The following METTL14 variants were observed in gnomAD, a reference collection of about 807,000 sequenced individuals.
METTL14 encodes the protein methyltransferase 14, N6-adenosine-methyltransferase non-catalytic subunit, also known as N(6)-adenosine-methyltransferase non-catalytic subunit METTL14.
In METTL14, 32 loss-of-function variants were observed where a neutral mutation model predicts 62.4. That is an observed-to-expected ratio of 0.51 (90% CI 0.39 to 0.69). METTL14 has a LOEUF of 0.69. Ranked by LOEUF, METTL14 falls within the 30% of genes least tolerant of loss-of-function variation. The pLI is 0.00. For synonymous variants in METTL14, 150 were observed against 180.0 expected, an observed-to-expected ratio of 0.83 and a Z score of 1.34; for missense variants, 340 against 551.9, an observed-to-expected ratio of 0.62 and a Z score of 3.85.
intron 8 of METTL14, among the ~76,000 whole-genome samples, chr4:118,701,639 C>G (rs1373283051): frequency 6.6e-6 from 1 of 152,318 alleles, no homozygotes; most frequent in East Asian, 1.9e-4. Flanking sequence ...AAGATACTCA[C>G]TCTTGAGGGT....
chr4:118,692,464 C>G (rs1481572848), intron 5 of METTL14, among the ~76,000 whole-genome samples: 1 of 151,866 alleles, frequency 6.6e-6, no homozygotes, highest in East Asian at 1.9e-4. Context: ...CCCGAGGTTT[C>G]ACCATGTTGG....
chr4:118,714,887 A>G lies in METTL14; in HGVS notation c.*4585A>G, dbSNP rs181100545. On this transcript the variant is annotated 3_prime_UTR_variant, in exon 11 of 11. Transcript: ENST00000388822. ...CAGGCGTGAGCCTCTGCAACTGGCC[A>G]ACATGCATATTTAAATTATGCATGC... The G allele has an allele frequency of 8.6e-4, 131 of 152,340 alleles. No individual in the cohort carries two copies. The highest frequency in any genetic ancestry group is 3.0e-3 in the African/African-American group (125 of 41,592). The allele number at this position is 152,340 out of a possible 1,614,324, so 9.4% of individuals were successfully genotyped here. A position where few individuals can be genotyped will look rare whatever the true frequency, so the allele number is the denominator to read the frequency against.
At chr4:118,686,011 T>A (rs1724044502) in intron 1 of METTL14, among the ~76,000 whole-genome samples, 2 of 152,238 alleles carry the variant, frequency 1.3e-5, no homozygotes, top group South Asian at 2.1e-4. Flanking sequence ...ACGTTTACAG[T>A]ATTTTCTTTG....
chr4:118,709,745 A>G (rs1308837938), intron 10 of METTL14, among the ~76,000 whole-genome samples: 7 of 152,176 alleles, frequency 4.6e-5, no homozygotes, highest in African/African-American at 9.7e-5. Context: ...TCTAAGTTCT[A>G]TTCTCACAAA....
At chr4:118,702,863 A>G (rs760888152) in intron 8 of METTL14, among the ~76,000 whole-genome samples, 98 of 147,898 alleles carry the variant, frequency 6.6e-4, no homozygotes, top group Non-Finnish European at 1.3e-3. Flanking sequence ...TTTATACTCT[A>G]TCTTTTTTTT....
intron 5 of METTL14, among the ~76,000 whole-genome samples, chr4:118,692,567 C>T (rs895786025): frequency 2.0e-5 from 3 of 152,044 alleles, no homozygotes; most frequent in South Asian, 2.1e-4. Flanking sequence ...CGCTCCAGGC[C>T]CTGTATACCT....
intron 1 of METTL14, among the ~76,000 whole-genome samples, chr4:118,687,257 A>G (rs59549008): frequency 0.013 from 1,951 of 152,300 alleles, 45 homozygotes; most frequent in African/African-American, 0.044. Context: ...AGCATGCCAA[A>G]TACCAAAACT....
intron 6 of METTL14, among the ~76,000 whole-genome samples, chr4:118,696,117 C>CAAAAAAAAAAA (rs70941201): frequency 0.039 from 1,307 of 33,910 alleles, 299 homozygotes; most frequent in Non-Finnish European, 0.051. Context: ...GACTCTGTCT[C>CAAAAAAAAAAA]AAAAAAAAAA....
In METTL14 at chr4:118,692,849, C is replaced by T. The variant is rs561485200; in HGVS notation, c.412+781C>T. Reference sequence around the variant, plus strand: ...TCTCTCTCATCTACCCCTTCTCAGCCTTAAGTATCTGCTGATCTACTTTCT... The same window carrying T: ...TCTCTCTCATCTACCCCTTCTCAGCTTTAAGTATCTGCTGATCTACTTTCT... On this transcript the variant is annotated intron_variant, in intron 5 of 10. Coordinates refer to ENST00000388822, the MANE Select transcript of METTL14 (RefSeq NM_020961.4). Among the ~76,000 whole-genome samples the T allele has an allele frequency of 3.9e-5, 6 of 152,260 alleles. No homozygotes were observed. The East Asian group carries it at 9.7e-4, about 25-fold the overall frequency.
rs774106805 is a variant in METTL14, at chr4:118,697,156, T to A, written c.504-26T>A. 6.5e-6 allele frequency: 10 copies of A among 1,550,276 alleles called. No individual in the cohort carries two copies. In the African/African-American group the frequency reaches 1.3e-4, roughly 19 times the overall value. ...TTTAAAAAGCATTTTTTTAAAAACC[T>A]CATTTTTAATGCTTTAATCAAATAG... On this transcript the variant is annotated intron_variant, in intron 6 of 10. Coordinates refer to ENST00000388822, the MANE Select transcript of METTL14 (RefSeq NM_020961.4).
At chr4:118,705,858 TG>T in intron 10 of METTL14, 37 bp downstream of exon 10, 2 of 1,495,866 alleles carry the variant, frequency 1.3e-6, no homozygotes, top group Non-Finnish European at 1.9e-6. Context: ...TATGATTCTT[TG>T]GGTTATGCAT....
chr4:118,708,660 C>T (rs1724831552), intron 10 of METTL14, among the ~76,000 whole-genome samples: 1 of 152,108 alleles, frequency 6.6e-6, no homozygotes. Context: ...AGAATGTGAT[C>T]CTAGTGAAAT....
chr4:118,707,956 C>G (rs1724809050), intron 10 of METTL14, among the ~76,000 whole-genome samples: 1 of 151,756 alleles, frequency 6.6e-6, no homozygotes, highest in Non-Finnish European at 1.5e-5. Context: ...TCCTGAGTAG[C>G]TGGGACTGCA....
At chr4:118,690,461 T>C (rs1466303612) in intron 3 of METTL14, among the ~76,000 whole-genome samples, 1 of 151,966 alleles carries the variant, frequency 6.6e-6, no homozygotes, top group African/African-American at 2.4e-5. Flanking sequence ...TGCAGATCAC[T>C]TGAGGTCAGG....
At chr4:118,685,764 T>C (rs1724034648) in intron 1 of METTL14, among the ~76,000 whole-genome samples, 164 bp downstream of exon 1, 1 of 152,166 alleles carries the variant, frequency 6.6e-6, no homozygotes, top group African/African-American at 2.4e-5. Context: ...TAGTTCTCAA[T>C]TTTCGCGGTG....
intron 1 of METTL14, chr4:118,686,826 C>G: frequency 3.3e-6 from 1 of 304,156 alleles, no homozygotes; most frequent in South Asian, 2.9e-5. Context: ...TCAGCAGATG[C>G]CAGGGGCTCT....
intron 5 of METTL14, among the ~76,000 whole-genome samples, chr4:118,693,272 C>G (rs915646629): frequency 2.6e-5 from 4 of 152,024 alleles, no homozygotes; most frequent in Admixed American, 2.0e-4. Context: ...GCTTATTGGC[C>G]ATTTAAATAT....
Position 118,688,027 on chromosome 4 carries a change from C to A in METTL14, c.155+16C>A. The A allele has an allele frequency of 1.7e-4, 222 of 1,290,694 alleles. No homozygotes were observed. Among genetic ancestry groups the A allele is most frequent in the Non-Finnish European group, 2.1e-4 (197 of 937,592 alleles). 80.0% of individuals were successfully genotyped at this position (1,290,694 alleles called of 1,614,324 possible). A position where few individuals can be genotyped will look rare whatever the true frequency, so the allele number is the denominator to read the frequency against. On this transcript the variant is annotated intron_variant, in intron 2 of 10. Transcript: ENST00000388822. ...AAACTTGCAGGTCAGTCAGATAATT[C>A]TTTTTTTTTTTTTTTTTGAGACAGG...
intron 10 of METTL14, among the ~76,000 whole-genome samples, chr4:118,708,880 C>T (rs180910962): frequency 3.8e-4 from 58 of 152,302 alleles, no homozygotes; most frequent in Admixed American, 3.3e-3. Flanking sequence ...CTGTAAGAGT[C>T]ACCACACCCA....
Sources: gnomAD v4.1 joint callset for allele counts (sites outside exome capture counted in the v4.1 genomes callset) on GRCh38, gnomAD v4.1.1 for gene constraint, MANE v1.5 for transcripts, NCBI Gene and HGNC (gene_info 2026-07-23, HGNC 2026-07-21) for gene names.